Variants in PDE7A observed in about 807,000 individuals in gnomAD.
PDE7A encodes the protein phosphodiesterase 7A.
PDE7A carries 39 observed loss-of-function variants against 64.3 expected under a neutral mutation model. The ratio of observed to expected loss-of-function variants is 0.61; its 90% confidence interval spans 0.47 to 0.79. The LOEUF (loss-of-function observed/expected upper bound fraction) is 0.79, where lower values mean the gene tolerates loss of function less well. PDE7A is among the 30% of genes least tolerant of loss of function. The pLI is 0.00. For synonymous variants in PDE7A, 203 were observed against 206.8 expected (o/e 0.98, Z 0.16); for missense variants, 470 against 582.8 (o/e 0.81, Z 1.99).
At chr8:65,723,416 T>C in intron 12 of PDE7A, 125 bp downstream of exon 12, 1 of 956,332 alleles carries the variant, frequency 1.0e-6, no homozygotes, top group Non-Finnish European at 1.4e-6. Context: ...GGGTAAAATT[T>C]CTTAAATTAT....
intron 1 of PDE7A, among the ~76,000 whole-genome samples, chr8:65,820,239 T>C (rs563048779): frequency 5.4e-4 from 82 of 152,192 alleles, no homozygotes; most frequent in African/African-American, 1.9e-3. Flanking sequence ...CTACTAAAAA[T>C]ACAATAATTA....
rs554778740 is a variant in PDE7A at position 65,763,889 on chromosome 8, G to A, written c.283+15831C>T. ...CTGTATTAAGATTAAGGTCCAATACGTATCGGTCAATTTCCTAATTTATGC... is the reference window on the plus strand; with the variant it reads ...CTGTATTAAGATTAAGGTCCAATACATATCGGTCAATTTCCTAATTTATGC... On this transcript the variant is annotated intron_variant, in intron 3 of 12. Transcript: ENST00000401827. 3.9e-5 allele frequency among the ~76,000 whole-genome samples: 6 copies of A among 152,274 alleles called. No individual in the cohort carries two copies. In the East Asian group the frequency reaches 5.8e-4, roughly 15 times the overall value.
chr8:65,782,995 GA>G (rs1370678133), intron 1 of PDE7A, 152 bp from the exon 2 acceptor site: 9 of 592,522 alleles, frequency 1.5e-5, no homozygotes, highest in Non-Finnish European at 2.4e-5. Context: ...ACCTGTTCTT[GA>G]AATCTCTGGG....
chr8:65,726,302 T>G (rs1038074488), intron 9 of PDE7A, among the ~76,000 whole-genome samples: 2 of 152,142 alleles, frequency 1.3e-5, no homozygotes, highest in Non-Finnish European at 2.9e-5. Context: ...CATTAATGTT[T>G]TTTATTAGGT....
intron 5 of PDE7A, among the ~76,000 whole-genome samples, chr8:65,744,740 T>C (rs1197795522): frequency 6.6e-6 from 1 of 152,148 alleles, no homozygotes; most frequent in Non-Finnish European, 1.5e-5. Context: ...CATGAGATAA[T>C]AATGTTTACT....
chr8:65,736,726 G>A (rs930586400), intron 6 of PDE7A, among the ~76,000 whole-genome samples: 4 of 151,136 alleles, frequency 2.6e-5, no homozygotes, highest in Middle Eastern at 3.2e-3. Flanking sequence ...CTCAAGCCTA[G>A]GTGACAGAGC....
At chr8:65,812,575 CATTT>C (rs1810282053) in intron 1 of PDE7A, among the ~76,000 whole-genome samples, 1 of 152,024 alleles carries the variant, frequency 6.6e-6, no homozygotes, top group South Asian at 2.1e-4. Flanking sequence ...AAAAATGACA[CATTT>C]AATTAAATAA....
chr8:65,780,005 A>AT (rs914971823), intron 2 of PDE7A, among the ~76,000 whole-genome samples: 2 of 151,950 alleles, frequency 1.3e-5, no homozygotes, highest in African/African-American at 4.8e-5. Flanking sequence ...AATGAGGAGG[A>AT]TTTTTTTTAA....
At chr8:65,816,909 T>C (rs1350282921) in intron 1 of PDE7A, among the ~76,000 whole-genome samples, 2 of 152,220 alleles carry the variant, frequency 1.3e-5, no homozygotes, top group Non-Finnish European at 2.9e-5. Context: ...CAAAAGGTCA[T>C]TTTTCTGACC....
intron 1 of PDE7A, among the ~76,000 whole-genome samples, chr8:65,801,866 A>G (rs945198750): frequency 6.6e-6 from 1 of 152,192 alleles, no homozygotes; most frequent in Non-Finnish European, 1.5e-5. Context: ...GGAAAAAACT[A>G]TTTTCTCTTA....
intron 1 of PDE7A, among the ~76,000 whole-genome samples, chr8:65,808,004 C>A (rs1002390544): frequency 6.6e-6 from 1 of 152,198 alleles, no homozygotes; most frequent in Non-Finnish European, 1.5e-5. Flanking sequence ...GAGTGTCATA[C>A]TGGAGCCTGC....
chr8:65,830,333 GCTACCTGACAAAGCATTAAGAATA>G (rs1381575842), intron 1 of PDE7A, among the ~76,000 whole-genome samples: 1 of 151,736 alleles, frequency 6.6e-6, no homozygotes, highest in Non-Finnish European at 1.5e-5. Context: ...AAATCCAGTT[GCTACCTGACAAAGCATTAAGAATA>G]ATTTTGATTA....
chr8:65,732,300 C>T (rs1233930413), intron 7 of PDE7A, among the ~76,000 whole-genome samples: 1 of 151,814 alleles, frequency 6.6e-6, no homozygotes, highest in Non-Finnish European at 1.5e-5. Flanking sequence ...TGCCCAGCCA[C>T]TAACATATTA....
At chr8:65,798,206 A>ATATATATATTTT in intron 1 of PDE7A, among the ~76,000 whole-genome samples, 129 of 73,784 alleles carry the variant, frequency 1.7e-3, no homozygotes, top group Non-Finnish European at 2.3e-3. Flanking sequence ...ATATATATAT[A>ATATATATATTTT]TTTTTTTTTT....
intron 3 of PDE7A, among the ~76,000 whole-genome samples, chr8:65,755,022 T>C (rs1331438455): frequency 6.9e-6 from 1 of 144,622 alleles, no homozygotes; most frequent in Non-Finnish European, 1.5e-5. Context: ...TTTTTTTCAC[T>C]TATTTTTTTT....
chr8:65,779,850 G>A (rs372724662), intron 2 of PDE7A, 47 bp from the exon 3 acceptor site: 16 of 1,228,902 alleles, frequency 1.3e-5, no homozygotes, highest in East Asian at 7.3e-5. Flanking sequence ...GTTGTCATTC[G>A]GGAAGAAGCT....
At chr8:65,734,603 A>C (rs1807045361) in intron 7 of PDE7A, among the ~76,000 whole-genome samples, 191 bp downstream of exon 7, 1 of 152,074 alleles carries the variant, frequency 6.6e-6, no homozygotes, top group Non-Finnish European at 1.5e-5. Flanking sequence ...CTCTCTCAAC[A>C]ACCACCCAAT....
chr8:65,818,960 T>C (rs1354758037), intron 1 of PDE7A, among the ~76,000 whole-genome samples: 2 of 152,174 alleles, frequency 1.3e-5, no homozygotes, highest in Non-Finnish European at 2.9e-5. Flanking sequence ...TGGGGCAGAA[T>C]TGGGGGAATG....
At chr8:65,826,467 T>C (rs544347540) in intron 1 of PDE7A, among the ~76,000 whole-genome samples, 2 of 152,338 alleles carry the variant, frequency 1.3e-5, no homozygotes, top group Admixed American at 6.5e-5. Flanking sequence ...CAGGTTCTCC[T>C]AGCTTCAGGT....
Sources: gnomAD v4.1 joint callset for allele counts (sites outside exome capture counted in the v4.1 genomes callset) on GRCh38, gnomAD v4.1.1 for gene constraint, MANE v1.5 for transcripts, NCBI Gene and HGNC (gene_info 2026-07-23, HGNC 2026-07-21) for gene names.